Variants in C12orf56 observed in about 807,000 individuals in gnomAD.
The protein encoded by C12orf56 is chromosome 12 open reading frame 56.
A neutral mutation model predicts 69.9 loss-of-function variants in C12orf56; 71 were observed. The ratio of observed to expected loss-of-function variants is 1.02; its 90% CI spans 0.84 to 1.24. The LOEUF is 1.24. Ranked by LOEUF, C12orf56 falls within the 50% of genes most tolerant of loss-of-function variation. The probability of loss-of-function intolerance (pLI) is 0.00; values close to 1 mark genes in which losing one functional copy is unlikely to be tolerated. For synonymous variants in C12orf56, 276 were observed against 274.1 expected, an observed-to-expected ratio of 1.01 and a Z score of -0.07; for missense variants, 732 against 738.5, an observed-to-expected ratio of 0.99 and a Z score of 0.10.
chr12:64,298,453 C>T (rs2038399136), intron 6 of C12orf56, among the ~76,000 whole-genome samples: 2 of 152,270 alleles, frequency 1.3e-5, no homozygotes, highest in Admixed American at 1.3e-4. Context: ...GAAGTCTTTG[C>T]CCATGCCTGT....
chr12:64,308,880 A>AAG, intron 5 of C12orf56, among the ~76,000 whole-genome samples: 1 of 109,828 alleles, frequency 9.1e-6, no homozygotes, highest in Non-Finnish European at 1.9e-5. Context: ...GAAAGAAAGA[A>AAG]ACAGAAAGGA....
At chr12:64,306,186 A>G (rs931272156) in intron 5 of C12orf56, among the ~76,000 whole-genome samples, 2 of 152,212 alleles carry the variant, frequency 1.3e-5, no homozygotes, top group African/African-American at 4.8e-5. Context: ...TACATATTCT[A>G]TATTACTGCA....
chr12:64,328,186 T>C (rs1477810920), intron 3 of C12orf56, among the ~76,000 whole-genome samples: 1 of 152,140 alleles, frequency 6.6e-6, no homozygotes, highest in Non-Finnish European at 1.5e-5. Flanking sequence ...TTTGTGAATA[T>C]CCCCAGTTAG....
At chr12:64,277,632 C>CTA (rs3057140) in intron 9 of C12orf56, 48 bp downstream of exon 9, 531,231 of 930,840 alleles carry the variant, frequency 0.57, 84,207 homozygotes, top group Admixed American at 0.75. Context: ...GCCAGGGCCC[C>CTA]TATATATATA....
chr12:64,282,904 G>A (rs931524168), intron 8 of C12orf56, among the ~76,000 whole-genome samples: 2 of 152,134 alleles, frequency 1.3e-5, no homozygotes, highest in African/African-American at 2.4e-5. Flanking sequence ...AGCACTTTGG[G>A]AGGCCGAAGC....
chr12:64,352,116 G>GT (rs55635010), intron 2 of C12orf56, among the ~76,000 whole-genome samples: 35 of 147,280 alleles, frequency 2.4e-4, no homozygotes, highest in Middle Eastern at 3.5e-3. Flanking sequence ...TTTTTTTTTT[G>GT]TTTTTTTTTT....
intron 9 of C12orf56, among the ~76,000 whole-genome samples, chr12:64,276,180 A>T (rs920218122): frequency 1.3e-5 from 2 of 152,200 alleles, no homozygotes; most frequent in Admixed American, 6.5e-5. Context: ...TTTACTCAAC[A>T]AATATGCATC....
At position 64,285,015 on chromosome 12, in the gene C12orf56, C is replaced by A. The variant is rs559129118; in HGVS notation, c.1221-262G>T. Among the ~76,000 whole-genome samples, 5 of 152,136 alleles carry A rather than the reference C, an allele frequency of 3.3e-5. No individual in the cohort carries two copies. The South Asian group carries it at 1.0e-3, about 32-fold the overall frequency. On this transcript the variant is annotated intron_variant, in intron 7 of 12. Coordinates refer to ENST00000543942, the MANE Select transcript of C12orf56 (RefSeq NM_001170633.2). ...GCTGTAATCCCAGCACTTTGGGAGG[C>A]CCAGGTGGGCGAATGGCCTGAGCCC... is the stretch of plus-strand genomic sequence containing the variant.
intron 6 of C12orf56, among the ~76,000 whole-genome samples, chr12:64,287,389 G>A (rs1235849011): frequency 6.8e-6 from 1 of 146,790 alleles, no homozygotes; most frequent in Non-Finnish European, 1.5e-5. Flanking sequence ...GGGTACATGT[G>A]CACATTGTGC....
chr12:64,331,821 G>A (rs2038933781), intron 2 of C12orf56, among the ~76,000 whole-genome samples: 1 of 152,064 alleles, frequency 6.6e-6, no homozygotes, highest in African/African-American at 2.4e-5. Flanking sequence ...CCTAGTCTAA[G>A]GTATTTTGTT....
intron 12 of C12orf56, among the ~76,000 whole-genome samples, chr12:64,268,870 T>G (rs559727387): frequency 2.0e-5 from 3 of 152,082 alleles, no homozygotes; most frequent in Non-Finnish European, 4.4e-5. Context: ...GTGTGGTGGC[T>G]CACACCTGTA....
At chr12:64,271,573 T>A (rs537373334) in intron 11 of C12orf56, among the ~76,000 whole-genome samples, 1 of 152,194 alleles carries the variant, frequency 6.6e-6, no homozygotes, top group African/African-American at 2.4e-5. Context: ...TGAATTAGTA[T>A]CAGTAAAAAT....
chr12:64,295,022 A>G (rs1444562719), intron 6 of C12orf56, among the ~76,000 whole-genome samples: 3 of 151,892 alleles, frequency 2.0e-5, no homozygotes, highest in African/African-American at 7.3e-5. Context: ...GTCTGGGATT[A>G]CAGGTGCATG....
At chr12:64,329,690 C>A (rs1163732253) in intron 3 of C12orf56, among the ~76,000 whole-genome samples, 4 of 114,106 alleles carry the variant, frequency 3.5e-5, no homozygotes. Context: ...CCCCACCCCA[C>A]AACAGTCCCC....
rs1201123599 is a variant in C12orf56 at position 64,387,077 on chromosome 12, C to CAACAAAAAAAAAAAA, written c.252+3236_252+3237insTTTTTTTTTTTTGTT. 4.5e-4 allele frequency among the ~76,000 whole-genome samples: 19 copies of CAACAAAAAAAAAAAA among 42,104 alleles called. 1 individual carries two copies. Among genetic ancestry groups the CAACAAAAAAAAAAAA allele is most frequent in the African/African-American group, 1.9e-3 (17 of 9,154 alleles). The allele number at this position is 42,104 out of a possible 152,430, so 27.6% of individuals were successfully genotyped here. On this transcript the variant is annotated intron_variant, in intron 1 of 12. Transcript: ENST00000543942. Reference sequence around the variant, plus strand: ...TGGGTAACAGAGCGAGACTCTATCTCAAAAAAAAAAAAAAAAAAAAAAAAA... The same window carrying CAACAAAAAAAAAAAA: ...TGGGTAACAGAGCGAGACTCTATCTCAACAAAAAAAAAAAAAAAAAAAAAAAAAAAAAAAAAAAAA...
chr12:64,287,242 T>C (rs1184772181), intron 6 of C12orf56, among the ~76,000 whole-genome samples: 87 of 11,748 alleles, frequency 7.4e-3, no homozygotes, highest in African/African-American at 0.03. Flanking sequence ...TGAGACTCCA[T>C]CAAAAAAAAA....
intron 3 of C12orf56, 48 bp from the exon 4 acceptor site, chr12:64,319,028 T>G (rs570025370): frequency 1.2e-4 from 175 of 1,405,472 alleles, no homozygotes; most frequent in Non-Finnish European, 1.6e-4. Context: ...AATTTCACAG[T>G]AAGCAACAAA....
At chr12:64,347,002 C>T (rs2039152566) in intron 2 of C12orf56, among the ~76,000 whole-genome samples, 2 of 149,240 alleles carry the variant, frequency 1.3e-5, no homozygotes, top group South Asian at 4.2e-4. Context: ...GAGATGGAGT[C>T]TCGCTCTGTC....
chr12:64,374,192 T>C (rs2039610224), intron 1 of C12orf56, among the ~76,000 whole-genome samples: 1 of 152,228 alleles, frequency 6.6e-6, no homozygotes, highest in Admixed American at 6.5e-5. Context: ...CAGTGCCTCA[T>C]CATAATATTG....
Sources: gnomAD v4.1 joint callset for allele counts (sites outside exome capture counted in the v4.1 genomes callset) on GRCh38, gnomAD v4.1.1 for gene constraint, MANE v1.5 for transcripts, NCBI Gene and HGNC (gene_info 2026-07-23, HGNC 2026-07-21) for gene names.